NR3C2: variants seen among roughly 807,000 people sequenced by gnomAD.
NR3C2 encodes nuclear receptor subfamily 3 group C member 2.
Under a neutral mutation model 86.4 loss-of-function variants are expected in NR3C2, and 15 were observed. The observed-to-expected ratio is 0.17, with a 90% CI of 0.12 to 0.27. The LOEUF is 0.27. Among genes scored for constraint, NR3C2 ranks in the 10% least tolerant of loss-of-function variants. NR3C2 has a pLI of 1.00. For missense variants in NR3C2, 960 were observed against 1,195.6 expected (o/e 0.80, Z 2.91); for synonymous variants, 458 against 450.5 (o/e 1.02, Z -0.21).
chr4:148,153,363 A>G (rs533865931), intron 5 of NR3C2, among the ~76,000 whole-genome samples: 1 of 152,260 alleles, frequency 6.6e-6, no homozygotes, highest in South Asian at 2.1e-4. Flanking sequence ...TTTTTAGTAG[A>G]GACAGGGTTT....
intron 3 of NR3C2, among the ~76,000 whole-genome samples, chr4:148,217,332 C>T (rs114054112): frequency 4.7e-4 from 71 of 152,274 alleles, no homozygotes; most frequent in African/African-American, 1.7e-3. Flanking sequence ...TTTCAGAATA[C>T]GAATACAGAA....
At position 148,103,224 on chromosome 4, in the gene NR3C2, G is replaced by A. The variant is rs116680184; in HGVS notation, c.2799+10880C>T. 6.0e-3 allele frequency among the ~76,000 whole-genome samples: 911 copies of A among 152,124 alleles called. 8 individuals are homozygous for A. Among genetic ancestry groups the A allele is most frequent in the African/African-American group, 0.021 (855 of 41,466 alleles). On this transcript the variant is annotated intron_variant, in intron 8 of 8. Transcript: ENST00000358102. Reference sequence around the variant, plus strand: ...ACTTCCCTTTCCAGATACTCCACCCGTGGTCCTGACACTCCGTATCACACC... The same window carrying A: ...ACTTCCCTTTCCAGATACTCCACCCATGGTCCTGACACTCCGTATCACACC...
chr4:148,322,053 A>T (rs2149954691), intron 2 of NR3C2, among the ~76,000 whole-genome samples: 1 of 151,970 alleles, frequency 6.6e-6, no homozygotes, highest in South Asian at 2.1e-4. Context: ...TTCCTTCAGG[A>T]GCTCTTTTAA....
intron 2 of NR3C2, among the ~76,000 whole-genome samples, chr4:148,299,077 A>G (rs904561849): frequency 9.9e-5 from 15 of 152,176 alleles, no homozygotes; most frequent in Admixed American, 9.8e-4. Context: ...GCCTATTGGC[A>G]GAACCTCCCC....
intron 2 of NR3C2, among the ~76,000 whole-genome samples, chr4:148,346,747 A>C (rs1745012860): frequency 6.6e-6 from 1 of 152,140 alleles, no homozygotes; most frequent in Non-Finnish European, 1.5e-5. Flanking sequence ...TACCAGGCTA[A>C]ACAAATTATA....
intron 2 of NR3C2, among the ~76,000 whole-genome samples, chr4:148,313,119 C>T (rs1051421325): frequency 6.6e-5 from 10 of 152,122 alleles, no homozygotes; most frequent in Non-Finnish European, 1.0e-4. Context: ...TGAGATAGAA[C>T]ATGATGGATA....
intron 8 of NR3C2, among the ~76,000 whole-genome samples, chr4:148,104,941 GA>G (rs1358372851): frequency 1.3e-5 from 2 of 152,230 alleles, no homozygotes; most frequent in Admixed American, 6.5e-5. Flanking sequence ...TTCCTGAGGA[GA>G]AACTTTGCCT....
intron 6 of NR3C2, among the ~76,000 whole-genome samples, chr4:148,134,600 C>T (rs1733190606): frequency 1.4e-5 from 2 of 146,434 alleles, no homozygotes; most frequent in Non-Finnish European, 3.0e-5. Flanking sequence ...AAGGACAACA[C>T]CTTAAAAGTG....
At chr4:148,318,832 A>T (rs376479956) in intron 2 of NR3C2, among the ~76,000 whole-genome samples, 17 of 150,154 alleles carry the variant, frequency 1.1e-4, no homozygotes, top group South Asian at 2.1e-4. Context: ...AGGTTGCCTG[A>T]TCACTCTGAT....
At chr4:148,135,197 T>C (rs1046780679) in intron 6 of NR3C2, among the ~76,000 whole-genome samples, 1 of 152,148 alleles carries the variant, frequency 6.6e-6, no homozygotes, top group African/African-American at 2.4e-5. Context: ...TATTGTCACT[T>C]AATTGTCAAT....
chr4:148,372,782 C>T (rs1226940654), intron 2 of NR3C2, among the ~76,000 whole-genome samples: 1 of 152,200 alleles, frequency 6.6e-6, no homozygotes, highest in Admixed American at 6.5e-5. Context: ...GGATAATAAC[C>T]AAGATTAAAT....
In NR3C2 at chr4:148,436,240, A is replaced by T; in HGVS notation, c.621T>A (p.Pro207=). The T allele has an allele frequency of 4.3e-6, 7 of 1,614,206 alleles. No homozygotes were observed. Among genetic ancestry groups the T allele is most frequent in the Non-Finnish European group, 5.9e-6 (7 of 1,180,032 alleles). The stretch of plus-strand genomic sequence containing the variant: ...TGGAGGACACAGAGTTGATTCCAGC[A>T]GGGCTGCAAACCGAAGATGTCATGT... ...PLNMTSSVCS[P]AGINSVSSTT... Residue 207 remains proline (P), a synonymous_variant, in exon 2 of 9, where the codon CCT becomes CCA. Coordinates refer to ENST00000358102, the MANE Select transcript of NR3C2 (RefSeq NM_000901.5).
chr4:148,167,612 C>A (rs1165237881), intron 4 of NR3C2, among the ~76,000 whole-genome samples: 1 of 152,180 alleles, frequency 6.6e-6, no homozygotes, highest in East Asian at 1.9e-4. Context: ...TAGAACTTAT[C>A]TAAGTATTTT....
chr4:148,088,673 A>G (rs1213165024), intron 8 of NR3C2, among the ~76,000 whole-genome samples: 1 of 145,562 alleles, frequency 6.9e-6, no homozygotes, highest in Non-Finnish European at 1.5e-5. Context: ...ATGAGAACAC[A>G]TGGACACAGG....
chr4:148,445,024 A>T (rs545135715), upstream of NR3C2: 147 of 983,190 alleles, frequency 1.5e-4, no homozygotes, highest in Admixed American at 6.8e-4. Flanking sequence ...TCACGCCCTC[A>T]CGAGCGGGAG....
At chr4:148,346,251 T>C (rs1055405554) in intron 2 of NR3C2, among the ~76,000 whole-genome samples, 1 of 152,114 alleles carries the variant, frequency 6.6e-6, no homozygotes, top group Non-Finnish European at 1.5e-5. Flanking sequence ...CATTGTGTTA[T>C]GGCAAGAATG....
At chr4:148,281,705 C>T (rs1293161028) in intron 2 of NR3C2, among the ~76,000 whole-genome samples, 2 of 152,216 alleles carry the variant, frequency 1.3e-5, no homozygotes, top group East Asian at 3.8e-4. Context: ...ACTCATTATA[C>T]CTCTCGATTC....
intron 4 of NR3C2, among the ~76,000 whole-genome samples, chr4:148,186,780 C>G (rs1735916477): frequency 6.6e-6 from 1 of 150,812 alleles, no homozygotes; most frequent in Admixed American, 6.6e-5. Context: ...CTCTTCCCCC[C>G]AAGTCCCCAG....
At chr4:148,333,836 G>A (rs1744351860) in intron 2 of NR3C2, among the ~76,000 whole-genome samples, 1 of 152,062 alleles carries the variant, frequency 6.6e-6, no homozygotes, top group South Asian at 2.1e-4. Context: ...TAAAAAAGCT[G>A]GAATTAGCCA....
Sources: gnomAD v4.1 joint callset for allele counts (sites outside exome capture counted in the v4.1 genomes callset) on GRCh38, gnomAD v4.1.1 for gene constraint, MANE v1.5 for transcripts, NCBI Gene and HGNC (gene_info 2026-07-23, HGNC 2026-07-21) for gene names.